TENM2: variants seen among roughly 807,000 people sequenced by gnomAD.
The protein encoded by TENM2 is teneurin transmembrane protein 2, also known as teneurin-2.
Under a neutral mutation model 245.2 loss-of-function variants are expected in TENM2, and 52 were observed. The ratio of observed to expected loss-of-function variants is 0.21; its 90% CI spans 0.17 to 0.27. TENM2 has a LOEUF of 0.27. TENM2 is among the 10% of genes least tolerant of loss of function. The pLI is 1.00. For missense variants in TENM2, 3,046 were observed against 3,666.8 expected, an observed-to-expected ratio of 0.83 and a Z score of 4.37; for synonymous variants, 1,363 against 1,438.9, an observed-to-expected ratio of 0.95 and a Z score of 1.19.
intron 2 of TENM2, among the ~76,000 whole-genome samples, chr5:167,732,135 C>T (rs1200328519): frequency 6.6e-6 from 1 of 152,162 alleles, no homozygotes; most frequent in Non-Finnish European, 1.5e-5. Flanking sequence ...TCTGAATCCA[C>T]AAAAACTGAA....
intron 2 of TENM2, among the ~76,000 whole-genome samples, chr5:167,539,904 A>G (rs1772088825): frequency 6.6e-6 from 1 of 152,144 alleles, no homozygotes; most frequent in Non-Finnish European, 1.5e-5. Context: ...TCAGCTTCAA[A>G]ATGTTTTTTC....
At chr5:167,925,650 C>G (rs1189362346) in intron 3 of TENM2, among the ~76,000 whole-genome samples, 1 of 152,158 alleles carries the variant, frequency 6.6e-6, no homozygotes, top group Non-Finnish European at 1.5e-5. Flanking sequence ...AAGAGGCACG[C>G]ACATAAATGT....
chr5:167,082,997 G>A, the TENM2 span, among the ~76,000 whole-genome samples: 2 of 151,614 alleles, frequency 1.3e-5, no homozygotes, highest in Non-Finnish European at 2.9e-5. Flanking sequence ...GGGAAATATT[G>A]CAGTATATGA....
chr5:167,295,071 G>C (rs572684418), intron 1 of TENM2, among the ~76,000 whole-genome samples: 1 of 152,092 alleles, frequency 6.6e-6, no homozygotes, highest in African/African-American at 2.4e-5. Context: ...CTATGAATAG[G>C]GAAATAAACA....
chr5:167,875,998 C>T (rs1472681856), exon 3 of TENM2: 1 of 1,551,124 alleles, frequency 6.4e-7, no homozygotes, highest in Non-Finnish European at 8.7e-7. Context: ...CGTCCCATTC[C>T]ACCTACATCC....
At chr5:167,182,288 A>C in the TENM2 span, among the ~76,000 whole-genome samples, 1,120 of 152,228 alleles carry the variant, frequency 7.4e-3, 12 homozygotes, top group African/African-American at 0.025. Flanking sequence ...GTAAATGTGA[A>C]ATTATTCTTC....
intron 2 of TENM2, among the ~76,000 whole-genome samples, chr5:167,491,421 A>G (rs1016069734): frequency 6.6e-6 from 1 of 152,114 alleles, no homozygotes; most frequent in Admixed American, 6.6e-5. Flanking sequence ...TTCACTGATC[A>G]TTCTTTCCAT....
intron 3 of TENM2, among the ~76,000 whole-genome samples, chr5:167,894,342 G>A (rs1775003450): frequency 6.6e-6 from 1 of 152,180 alleles, no homozygotes; most frequent in South Asian, 2.1e-4. Flanking sequence ...TTAATAAAAT[G>A]TTTTTTCATT....
chr5:168,183,939 G>A (rs544077490), intron 13 of TENM2, among the ~76,000 whole-genome samples: 4 of 152,198 alleles, frequency 2.6e-5, no homozygotes, highest in African/African-American at 9.6e-5. Flanking sequence ...TACCTCTGTG[G>A]ATCCTCCCAG....
At chr5:167,360,355 C>T (rs1247585431) in intron 1 of TENM2, among the ~76,000 whole-genome samples, 2 of 152,122 alleles carry the variant, frequency 1.3e-5, no homozygotes, top group African/African-American at 4.8e-5. Flanking sequence ...ATTTCAAGCC[C>T]TTAGAACCAG....
intron 2 of TENM2, among the ~76,000 whole-genome samples, chr5:167,598,344 G>A (rs1776366344): frequency 6.6e-6 from 1 of 152,184 alleles, no homozygotes; most frequent in South Asian, 2.1e-4. Context: ...CTCCTGAGAT[G>A]TGTAGCAAGT....
At chr5:167,106,315 C>T in the TENM2 span, among the ~76,000 whole-genome samples, 1 of 152,170 alleles carries the variant, frequency 6.6e-6, no homozygotes, top group African/African-American at 2.4e-5. Context: ...GCAGCAATCT[C>T]TACCACTGAA....
intron 1 of TENM2, among the ~76,000 whole-genome samples, chr5:167,286,274 A>G (rs1038872312): frequency 1.3e-5 from 2 of 152,176 alleles, no homozygotes. Context: ...TTTTTATTTA[A>G]TCTTCCTTCT....
intron 2 of TENM2, among the ~76,000 whole-genome samples, chr5:167,840,236 A>T (rs1370317364): frequency 6.6e-6 from 1 of 152,228 alleles, no homozygotes; most frequent in Admixed American, 6.5e-5. Context: ...ATAAAATTTT[A>T]ACTTTGACAG....
At chr5:167,162,644 AAAAC>A in the TENM2 span, among the ~76,000 whole-genome samples, 9 of 145,944 alleles carry the variant, frequency 6.2e-5, no homozygotes, top group Non-Finnish European at 1.3e-4. Context: ...AAAACAACAA[AAAAC>A]AAAAAAAAAA....
intron 2 of TENM2, among the ~76,000 whole-genome samples, chr5:167,727,981 G>T (rs1425287139): frequency 6.6e-6 from 1 of 152,132 alleles, no homozygotes; most frequent in Non-Finnish European, 1.5e-5. Context: ...GTGTCGCTTA[G>T]CTTATGCAGG....
chr5:167,485,954 C>G (rs935550438), intron 2 of TENM2, among the ~76,000 whole-genome samples: 1 of 152,022 alleles, frequency 6.6e-6, no homozygotes, highest in Non-Finnish European at 1.5e-5. Context: ...CACACACACA[C>G]AAATTATACA....
chr5:167,321,050 G>A (rs1186607098), intron 1 of TENM2, among the ~76,000 whole-genome samples: 1 of 152,046 alleles, frequency 6.6e-6, no homozygotes, highest in Non-Finnish European at 1.5e-5. Context: ...TGTGCATTTA[G>A]AGCCCCTGAA....
chr5:167,003,958 T>C, the TENM2 span, among the ~76,000 whole-genome samples: 1 of 152,296 alleles, frequency 6.6e-6, no homozygotes, highest in South Asian at 2.1e-4. Flanking sequence ...GTGGGTTATC[T>C]GTAACAAAAT....
Sources: allele counts gnomAD v4.1 joint callset (sites outside exome capture counted in the v4.1 genomes callset), GRCh38; gene constraint gnomAD v4.1.1; transcripts MANE v1.5; gene names NCBI Gene and HGNC (gene_info 2026-07-23, HGNC 2026-07-21).